SIGIRR: variants seen among roughly 807,000 people sequenced by gnomAD.
SIGIRR encodes single Ig and TIR domain containing.
SIGIRR carries 41 observed loss-of-function variants against 45.6 expected under a neutral mutation model. The ratio of observed to expected loss-of-function variants is 0.90; its 90% CI spans 0.70 to 1.17. The LOEUF (loss-of-function observed/expected upper bound fraction) is 1.17. SIGIRR is among the 50% of genes most tolerant of loss of function. SIGIRR has a pLI of 0.00. For missense variants in SIGIRR, 599 were observed against 539.6 expected, an observed-to-expected ratio of 1.11 and a Z score of -1.09; for synonymous variants, 298 against 239.0, an observed-to-expected ratio of 1.25 and a Z score of -2.28.
chr11:412,843 C>T (rs1201372231), intron 1 of SIGIRR, among the ~76,000 whole-genome samples: 4 of 152,118 alleles, frequency 2.6e-5, no homozygotes, highest in African/African-American at 4.8e-5. Context: ...CCTCGCCCTG[C>T]GGTTGTGAGG....
rs759779979 is a variant in SIGIRR, at chr11:414,869, C to A, written c.-200G>T. On this transcript the variant is annotated 5_prime_UTR_variant, in exon 1 of 10. Transcript: ENST00000431843. ...GGGGGGCAAATGTTGGTCATTGGTG[C>A]GCCTTTGGGAGCAAACTCTCCCCTT... is the stretch of plus-strand genomic sequence containing the variant. 1 of 985,530 alleles carries A rather than the reference C, an allele frequency of 1.0e-6. No individual in the cohort carries two copies. Among genetic ancestry groups the A allele is most frequent in the African/African-American group, 1.7e-5 (1 of 57,346 alleles). 61.0% of individuals were successfully genotyped at this position (985,530 alleles called of 1,614,324 possible).
chr11:412,372 G>A (rs1387869173), intron 1 of SIGIRR, among the ~76,000 whole-genome samples: 1 of 56,002 alleles, frequency 1.8e-5, no homozygotes, highest in Non-Finnish European at 3.6e-5. Flanking sequence ...CGGGGAGGGG[G>A]GTGCCCAGCT....
intron 1 of SIGIRR, among the ~76,000 whole-genome samples, chr11:410,555 C>G (rs1240972284): frequency 8.1e-6 from 1 of 124,080 alleles, no homozygotes; most frequent in African/African-American, 3.1e-5. Context: ...GTGCCCAGCT[C>G]TGACCATGTC....
chr11:416,705 A>G (rs1847893161), upstream of SIGIRR, among the ~76,000 whole-genome samples: 1 of 152,012 alleles, frequency 6.6e-6, no homozygotes, highest in Admixed American at 6.5e-5. This position sits in a 1 kb window ranked among gnomAD's most constrained non-coding sequence, Gnocchi z 9.1. Flanking sequence ...GTCCTGAAGC[A>G]GGAACGTGGG....
chr11:410,115 G>C, intron 1 of SIGIRR, 88 bp from the exon 2 acceptor site: 1 of 1,154,874 alleles, frequency 8.7e-7, no homozygotes, highest in Non-Finnish European at 1.1e-6. Flanking sequence ...GCCCTGACCA[G>C]ATGCGACCCT....
chr11:407,121 G>GTATTT lies in SIGIRR; in HGVS notation c.668_669insAAATA (p.Leu224AsnfsTer12). ...AGGCGTCCGAAAGCACCACGATGAG[G>GTATTT]CGTCGGCAGCGGCTCAGGTTCACCA... On this transcript the variant is annotated frameshift_variant, in exon 7 of 10. Transcript: ENST00000431843. LOFTEE classifies it high-confidence loss of function. 1 of 1,529,666 alleles carries GTATTT rather than the reference G, an allele frequency of 6.5e-7. No individual in the cohort carries two copies. Among genetic ancestry groups the GTATTT allele is most frequent in the Admixed American group, 2.0e-5 (1 of 51,054 alleles). The allele number at this position is 1,529,666 out of a possible 1,614,324, so 94.8% of individuals were successfully genotyped here. A position where few individuals can be genotyped will look rare whatever the true frequency, so the allele number is the denominator to read the frequency against.
In SIGIRR at chr11:408,832, G is replaced by A. The variant is rs781003382; in HGVS notation, c.69C>T (p.Ala23=). 17 of 1,612,682 alleles carry A rather than the reference G, an allele frequency of 1.1e-5. No homozygotes were observed. The highest frequency in any genetic ancestry group is 1.4e-5 in the Non-Finnish European group (16 of 1,179,994). Reference sequence around the variant, plus strand: ...AGTTCAGAGCCACTGAGCTGCCCAAGGCAGGCCTCAGCACCTGGTCTTCAG... The same window carrying A: ...AGTTCAGAGCCACTGAGCTGCCCAAAGCAGGCCTCAGCACCTGGTCTTCAG... The part of the protein sequence containing the change: ...SPSEDQVLRP[A]LGSSVALNCT... Residue 23 remains alanine, a synonymous_variant, in exon 3 of 10, where the codon GCC becomes GCT. Transcript: ENST00000431843.
In SIGIRR at chr11:405,791, A is replaced by T; in HGVS notation, c.*105T>A. ...ACAGCCTTTTCCCAGGGCTGCTGGC[A>T]GGGTCCCAGGGCTGCTGGCAGGGGT... On this transcript the variant is annotated 3_prime_UTR_variant, in exon 10 of 10. Transcript: ENST00000431843. 1 of 1,390,762 alleles carries T rather than the reference A, an allele frequency of 7.2e-7. No individual in the cohort carries two copies. 86.2% of individuals were successfully genotyped at this position (1,390,762 alleles called of 1,614,324 possible).
Position 405,981 on chromosome 11 carries a change from C to G in SIGIRR, c.1148G>C (p.Ser383Thr). Residue 383 changes from serine to threonine, a missense_variant, in exon 10 of 10, where the codon AGC becomes ACC. Coordinates refer to ENST00000431843, the MANE Select transcript of SIGIRR (RefSeq NM_001135054.2). Reference sequence around the variant, plus strand: ...GCCGAGATCCGAGACGTCCACTTCGCTGCTCCGGCTCTCTCCCAGCGAGAC... The same window carrying G: ...GCCGAGATCCGAGACGTCCACTTCGGTGCTCCGGCTCTCTCCCAGCGAGAC... ...SGVSLGESRS[S>T]EVDVSDLGSR... 1 of 1,612,354 alleles carries G rather than the reference C, an allele frequency of 6.2e-7. No homozygotes were observed.
chr11:415,457 C>A (rs572652594), upstream of SIGIRR, among the ~76,000 whole-genome samples: 2 of 152,106 alleles, frequency 1.3e-5, no homozygotes, highest in African/African-American at 4.8e-5. This position sits in a 1 kb window ranked among gnomAD's most constrained non-coding sequence, Gnocchi z 6.6. Flanking sequence ...GCCTTCCAGA[C>A]GCTACTAGAG....
Position 405,842 on chromosome 11 carries a change from A to C in SIGIRR, c.*54T>G, listed in dbSNP as rs1847262700. Reference sequence around the variant, plus strand: ...TGTGGTCCTGTTGAGCAGAGGAGCGACGCCGCTGCCCTGGCCCCCGCTGTC... The same window carrying C: ...TGTGGTCCTGTTGAGCAGAGGAGCGCCGCCGCTGCCCTGGCCCCCGCTGTC... On this transcript the variant is annotated 3_prime_UTR_variant, in exon 10 of 10. Coordinates refer to ENST00000431843, the MANE Select transcript of SIGIRR (RefSeq NM_001135054.2). 1 of 1,532,682 alleles carries C rather than the reference A, an allele frequency of 6.5e-7. No homozygotes were observed. The highest frequency in any genetic ancestry group is 8.8e-7 in the Non-Finnish European group (1 of 1,133,740). The allele number at this position is 1,532,682 out of a possible 1,614,324, so 94.9% of individuals were successfully genotyped here.
At chr11:410,159 A>G in intron 1 of SIGIRR, 132 bp from the exon 2 acceptor site, 1 of 793,382 alleles carries the variant, frequency 1.3e-6, no homozygotes, top group Admixed American at 4.0e-5. Context: ...GAGTTCTCGG[A>G]GGCCAGCAGG....
Position 405,812 on chromosome 11 carries a change from G to GGGTCCCA in SIGIRR, c.*83_*84insTGGGACC. The GGGTCCCA allele has an allele frequency of 2.7e-6, 4 of 1,483,702 alleles. No individual in the cohort carries two copies. Among genetic ancestry groups the GGGTCCCA allele is most frequent in the Non-Finnish European group, 3.6e-6 (4 of 1,105,240 alleles). The allele number at this position is 1,483,702 out of a possible 1,614,324, so 91.9% of individuals were successfully genotyped here. A position where few individuals can be genotyped will look rare whatever the true frequency, so the allele number is the denominator to read the frequency against. ...TGGCAGGGTCCCAGGGCTGCTGGCA[G>GGGTCCCA]GGGTTGTGGTCCTGTTGAGCAGAGG... On this transcript the variant is annotated 3_prime_UTR_variant, in exon 10 of 10. Coordinates refer to ENST00000431843, the MANE Select transcript of SIGIRR (RefSeq NM_001135054.2).
At chr11:413,396 C>T (rs1847759697) in intron 1 of SIGIRR, among the ~76,000 whole-genome samples, 1 of 151,960 alleles carries the variant, frequency 6.6e-6, no homozygotes, top group South Asian at 2.1e-4. Flanking sequence ...GGGAACCACC[C>T]ACTGAGGGTC....
chr11:408,759 G>A lies in SIGIRR; in HGVS notation c.142C>T (p.Gln48Ter), dbSNP rs1564890463. ...SGPHCSLPSVQWLKDGLPLGI... is the reference protein window; with the variant it reads ...SGPHCSLPSV ...AATGGAAGCCCGTCTTTCAGCCACTGGACTGAAGGCAGGGAGCAGTGGGGC... is the reference window on the plus strand; with the variant it reads ...AATGGAAGCCCGTCTTTCAGCCACTAGACTGAAGGCAGGGAGCAGTGGGGC... The change falls in exon 3 of 10, where the codon CAG (glutamine) becomes TAG (stop). Residue 48 changes from glutamine (Q) to a stop codon, truncating the protein, a stop_gained. Transcript: ENST00000431843. LOFTEE classifies it high-confidence loss of function. The A allele has an allele frequency of 1.2e-5, 20 of 1,612,828 alleles. No homozygotes were observed. Among genetic ancestry groups the A allele is most frequent in the Non-Finnish European group, 1.7e-5 (20 of 1,180,006 alleles).
chr11:407,620 C>A, intron 5 of SIGIRR, 52 bp from the exon 6 acceptor site: 2 of 1,588,678 alleles, frequency 1.3e-6, no homozygotes, highest in African/African-American at 1.3e-5. Flanking sequence ...CACACCAGCC[C>A]TCGGGGTCCC....
In SIGIRR at chr11:407,518, G is replaced by C. The variant is rs200106219; in HGVS notation, c.532C>G (p.Arg178Gly). 1.9e-5 allele frequency: 31 copies of C among 1,608,106 alleles called. No individual in the cohort carries two copies. Among genetic ancestry groups the C allele is most frequent in the East Asian group, 1.1e-4 (5 of 44,632 alleles). The change falls in exon 6 of 10, where the codon CGC (arginine) becomes GGC (glycine). Residue 178 changes from arginine to glycine, a missense_variant. Arg to Gly is a moderately radical substitution (Grantham distance 125). Transcript: ENST00000431843. ...TTTAGGATGAAGTTCACGAACTTGC[G>C]GTCCTCGGGGCAGTCGCTGTAGGAG... ...YVSYSDCPED[R>G]KFVNFILKPQ...
intron 2 of SIGIRR, chr11:409,569 G>A: frequency 2.4e-6 from 1 of 409,264 alleles, no homozygotes; most frequent in Non-Finnish European, 4.3e-6. Flanking sequence ...TCTCCTGCCA[G>A]CTCACATCGG....
chr11:410,027 G>A lies in SIGIRR; in HGVS notation c.-153C>T, dbSNP rs1394793981. On this transcript the variant is annotated splice_region_variant and 5_prime_UTR_variant, in exon 2 of 10. Transcript: ENST00000431843. ...GACAGGGCACCTGGACAGGTCAGAG[G>A]CTGCCGCCATCCCCAGGGAACAAGT... The A allele has an allele frequency of 2.7e-5, 34 of 1,239,116 alleles. No individual in the cohort carries two copies. Among genetic ancestry groups the A allele is most frequent in the African/African-American group, 3.1e-5 (2 of 64,440 alleles). The allele number at this position is 1,239,116 out of a possible 1,614,324, so 76.8% of individuals were successfully genotyped here.
Sources: allele counts gnomAD v4.1 joint callset (sites outside exome capture counted in the v4.1 genomes callset), GRCh38; gene constraint gnomAD v4.1.1; non-coding constraint Gnocchi (gnomAD v3.1); transcripts MANE v1.5; gene names NCBI Gene and HGNC (gene_info 2026-07-23, HGNC 2026-07-21).